Variants in XDH observed in about 807,000 individuals in gnomAD.
The protein encoded by XDH is xanthine dehydrogenase/oxidase.
XDH carries 138 observed loss-of-function variants against 156.1 expected under a neutral mutation model. The observed-to-expected ratio is 0.88, with a 90% confidence interval of 0.77 to 1.02. The LOEUF (loss-of-function observed/expected upper bound fraction) is 1.02. XDH is among the 50% of genes least tolerant of loss of function. XDH has a pLI of 0.00. For missense variants in XDH, 1,849 were observed against 1,684.9 expected (o/e 1.10, Z -1.71); for synonymous variants, 669 against 625.7 (o/e 1.07, Z -1.03).
chr2:31,347,295 C>A (rs1308960754), intron 29 of XDH, among the ~76,000 whole-genome samples: 3 of 152,226 alleles, frequency 2.0e-5, no homozygotes, highest in Non-Finnish European at 4.4e-5. Flanking sequence ...CTCATCTCCC[C>A]ATCCTGCACT....
chr2:31,337,530 C>T, intron 35 of XDH, 111 bp downstream of exon 35: 3 of 1,527,340 alleles, frequency 2.0e-6, no homozygotes, highest in Non-Finnish European at 2.7e-6. Context: ...TGCAAGGCTG[C>T]CCGGTTAGGA....
intron 15 of XDH, among the ~76,000 whole-genome samples, chr2:31,375,043 G>A (rs1206853123): frequency 6.3e-5 from 1 of 15,902 alleles, no homozygotes; most frequent in African/African-American, 2.5e-4. Context: ...TTTTTTTTTT[G>A]AGACAGAGTT....
At chr2:31,396,583 C>T (rs1686911966) in intron 6 of XDH, among the ~76,000 whole-genome samples, 1 of 152,214 alleles carries the variant, frequency 6.6e-6, no homozygotes, top group Admixed American at 6.5e-5. Context: ...CTAATAAAAT[C>T]ACCATTTTAT....
rs34929837 is a variant in XDH at position 31,379,925 on chromosome 2, T to A, written c.1184A>T (p.Lys395Met). The change falls in exon 13 of 36, where the codon AAG (lysine) becomes ATG (methionine). Residue 395 changes from lysine to methionine, a missense_variant. Transcript: ENST00000379416. ...TATCTCCTCCGGGCTCAGCAGGGTC[T>A]TTCTGTAGCCAGGGAAGAAGGTGTG... ...MDHTFFPGYR[K>M]TLLSPEEILL... 6,523 of 1,614,144 alleles carry A rather than the reference T, an allele frequency of 4.0e-3. 206 individuals are homozygous for A. The African/African-American group carries it at 0.071, about 18-fold the overall frequency.
In XDH at chr2:31,350,165, C is replaced by G; in HGVS notation, c.2690G>C (p.Gly897Ala). The G allele has an allele frequency of 1.9e-6, 3 of 1,614,178 alleles. No individual in the cohort carries two copies. Among genetic ancestry groups the G allele is most frequent in the Middle Eastern group, 1.6e-4 (1 of 6,062 alleles). Residue 897 changes from glycine (G) to alanine (A), a missense_variant, in exon 25 of 36, where the codon GGC (glycine) becomes GCC (alanine). By Grantham distance (60) the Gly-to-Ala change is moderately conservative. Transcript: ENST00000379416. Reference protein sequence around the residue: ...DNCYKIPNIRGTGRLCKTNLP... With the variant: ...DNCYKIPNIRATGRLCKTNLP... ...GTTGGTTTTGCACAGCCGCCCAGTGCCCCGGATGTTGGGGATTTTATAGCA... is the reference window on the plus strand; with the variant it reads ...GTTGGTTTTGCACAGCCGCCCAGTGGCCCGGATGTTGGGGATTTTATAGCA...
At chr2:31,408,717 A>G (rs1311456058) in intron 1 of XDH, among the ~76,000 whole-genome samples, 1 of 152,196 alleles carries the variant, frequency 6.6e-6, no homozygotes, top group South Asian at 2.1e-4. Context: ...ACTATGGAGA[A>G]CAGTTTGAAG....
intron 31 of XDH, 42 bp downstream of exon 31, chr2:31,344,642 G>A (rs750715686): frequency 4.6e-5 from 74 of 1,611,020 alleles, no homozygotes; most frequent in Non-Finnish European, 6.0e-5. Flanking sequence ...AGGTTAGGAC[G>A]ACATCACACT....
chr2:31,349,721 A>G lies in XDH; in HGVS notation c.2934T>C (p.Tyr978=). ...CWEECLASSQ[Y]HARKSEVDKF... ...TGTCAACCTCACTCTTCCGAGCATGATACTGAGAGCTTGCTAGGCATTCTT... is the reference window on the plus strand; with the variant it reads ...TGTCAACCTCACTCTTCCGAGCATGGTACTGAGAGCTTGCTAGGCATTCTT... Residue 978 remains tyrosine, a synonymous_variant, in exon 26 of 36, where the codon TAT becomes TAC. Coordinates refer to ENST00000379416, the MANE Select transcript of XDH (RefSeq NM_000379.4). 1 of 1,614,178 alleles carries G rather than the reference A, an allele frequency of 6.2e-7. No homozygotes were observed. Among genetic ancestry groups the G allele is most frequent in the African/African-American group, 1.3e-5 (1 of 75,038 alleles).
rs759785153 is a variant in XDH at position 31,348,273 on chromosome 2, C to T, written c.3142G>A (p.Val1048Ile). Reference sequence around the variant, plus strand: ...TGCCAGAGAGGGCTGCTCACCTGGACCATTTTGGTATGAAGGCCTTGGCCC... The same window carrying T: ...TGCCAGAGAGGGCTGCTCACCTGGATCATTTTGGTATGAAGGCCTTGGCCC... ...EMGQGLHTKM[V>I]QVASRALKIP... The change falls in exon 28 of 36, where the codon GTC becomes ATC. Residue 1048 changes from valine to isoleucine, a missense_variant. Physicochemically the swap from Val to Ile is conservative, Grantham distance 29. Transcript: ENST00000379416. The T allele has an allele frequency of 1.9e-6, 3 of 1,614,196 alleles. No homozygotes were observed. The highest frequency in any genetic ancestry group is 2.2e-5 in the East Asian group (1 of 44,888).
chr2:31,403,626 G>T (rs1467417786), intron 2 of XDH, among the ~76,000 whole-genome samples: 1 of 152,154 alleles, frequency 6.6e-6, no homozygotes, highest in East Asian at 1.9e-4. Flanking sequence ...GGGCTGATAA[G>T]TCCCCAAGAA....
rs1429374 is a variant in XDH, at chr2:31,349,532, A to G, written c.2969+154T>C. 0.59 allele frequency among the ~76,000 whole-genome samples: 90,254 copies of G among 152,014 alleles called. 28,793 individuals are homozygous for G. Among genetic ancestry groups the G allele is most frequent in the East Asian group, 0.77 (3,980 of 5,150 alleles). On this transcript the variant is annotated intron_variant, in intron 26 of 35. Coordinates refer to ENST00000379416, the MANE Select transcript of XDH (RefSeq NM_000379.4). ...CACCTGCCCCGGGCTGAAGATCATTATAAGATCTTAAAGAGATGGCTGTGA... is the reference window on the plus strand; with the variant it reads ...CACCTGCCCCGGGCTGAAGATCATTGTAAGATCTTAAAGAGATGGCTGTGA...
In XDH at chr2:31,346,846, A is replaced by C. The variant is rs1369858194; in HGVS notation, c.3277-3T>G. The C allele has an allele frequency of 1.2e-6, 2 of 1,613,924 alleles. No individual in the cohort carries two copies. The highest frequency in any genetic ancestry group is 3.3e-5 in the Admixed American group (2 of 60,016). On this transcript the variant is annotated splice_region_variant and splice_polypyrimidine_tract_variant and intron_variant, in intron 29 of 35. Transcript: ENST00000379416. ...TTCAAGATGGTCTGACAAGCCGCCT[A>C]AAGTAAACACCCCCCACACCCCAGA...
In XDH at chr2:31,370,387, A is replaced by G; in HGVS notation, c.1948T>C (p.Cys650Arg). Residue 650 changes from cysteine (C) to arginine (R), a missense_variant, in exon 18 of 36, where the codon TGT (cysteine) becomes CGT (arginine). Physicochemically the swap from Cys to Arg is radical, Grantham distance 180 (BLOSUM62 -3). Coordinates refer to ENST00000379416, the MANE Select transcript of XDH (RefSeq NM_000379.4). Reference sequence around the variant, plus strand: ...TTCGCAAAGACTGTCTCATCATTACAAATTCCAGTTATGTTACTCCCAGGA... The same window carrying G: ...TTCGCAAAGACTGTCTCATCATTACGAATTCCAGTTATGTTACTCCCAGGA... The part of the protein sequence containing the change: ...DVPGSNITGI[C>R]NDETVFAKDK... 1 of 1,614,240 alleles carries G rather than the reference A, an allele frequency of 6.2e-7. No homozygotes were observed. The highest frequency in any genetic ancestry group is 8.5e-7 in the Non-Finnish European group (1 of 1,180,042).
intron 12 of XDH, among the ~76,000 whole-genome samples, chr2:31,381,293 C>G (rs931395317): frequency 1.3e-5 from 2 of 152,136 alleles, no homozygotes; most frequent in Non-Finnish European, 2.9e-5. Context: ...ACCGCACTAC[C>G]GCACTTGGCC....
At chr2:31,397,790 G>C (rs1036601125) in intron 5 of XDH, 61 bp from the exon 6 acceptor site, 12 of 1,601,630 alleles carry the variant, frequency 7.5e-6, no homozygotes, top group Non-Finnish European at 8.6e-6. Flanking sequence ...TGAGGAGTTT[G>C]TGACTTTGCT....
At chr2:31,348,428 C>T in intron 27 of XDH, 65 bp from the exon 28 acceptor site, 1 of 1,491,534 alleles carries the variant, frequency 6.7e-7, no homozygotes, top group Non-Finnish European at 9.3e-7. Flanking sequence ...GGTTTGGGAC[C>T]AAAGGTATGG....
At chr2:31,353,090 T>A (rs1402421186) in intron 24 of XDH, among the ~76,000 whole-genome samples, 3 of 152,050 alleles carry the variant, frequency 2.0e-5, no homozygotes, top group Non-Finnish European at 2.9e-5. Flanking sequence ...AAATTAAGAT[T>A]TAAAAAACTG....
At chr2:31,376,834 TAG>T (rs1423341630) in intron 14 of XDH, among the ~76,000 whole-genome samples, 2 of 150,372 alleles carry the variant, frequency 1.3e-5, no homozygotes, top group African/African-American at 4.9e-5. Context: ...GCAATACTCC[TAG>T]TAGTAATACT....
chr2:31,356,398 A>T (rs900722045), intron 24 of XDH, among the ~76,000 whole-genome samples: 1 of 152,228 alleles, frequency 6.6e-6, no homozygotes, highest in African/African-American at 2.4e-5. Context: ...AAAGTTAAGG[A>T]TCTGGAGAGA....
Sources: allele counts gnomAD v4.1 joint callset (sites outside exome capture counted in the v4.1 genomes callset), GRCh38; gene constraint gnomAD v4.1.1; transcripts MANE v1.5; gene names NCBI Gene and HGNC (gene_info 2026-07-23, HGNC 2026-07-21).